The following ERVH48-1 variants were observed in gnomAD, a reference collection of about 807,000 sequenced individuals.
ERVH48-1 encodes endogenous retrovirus group 48 member 1, envelope, also known as suppressyn.
In ERVH48-1, 4 loss-of-function variants were observed where a neutral mutation model predicts 2.4. The ratio of observed to expected loss-of-function variants is 1.68; its 90% CI spans 0.83 to 3.84. The LOEUF is 3.84. Among genes scored for constraint, ERVH48-1 ranks in the 30% most tolerant of loss-of-function variants. The probability of loss-of-function intolerance (pLI) is 0.01; values close to 1 mark genes in which losing one functional copy is unlikely to be tolerated. For missense variants in ERVH48-1, 97 were observed against 43.4 expected, an observed-to-expected ratio of 2.23 and a Z score of -3.47; for synonymous variants, 32 against 15.5, an observed-to-expected ratio of 2.06 and a Z score of -2.49.
At position 42,918,870 on chromosome 21, in the gene ERVH48-1, T is replaced by G; in HGVS notation, c.137A>C (p.Glu46Ala). 1 of 459,268 alleles carries G rather than the reference T, an allele frequency of 2.2e-6. No individual in the cohort carries two copies. The highest frequency in any genetic ancestry group is 2.0e-5 in the African/African-American group (1 of 50,224). The allele number at this position is 459,268 out of a possible 1,614,324, so 28.4% of individuals were successfully genotyped here. A position where few individuals can be genotyped will look rare whatever the true frequency, so the allele number is the denominator to read the frequency against. ...TCTGTAGTGCAAAGACTGATAACAC[T>G]CACGGCAGCTCGGAGGGGCTGCTGT... ...LSTAAPPSCRECYQSLHYRGE... is the reference protein window; with the variant it reads ...LSTAAPPSCRACYQSLHYRGE... Residue 46 changes from glutamate to alanine, a missense_variant, in exon 2 of 2, where the codon GAG becomes GCG. Transcript: ENST00000447535.
chr21:42,920,891 T>C (rs1438815219), intron 1 of ERVH48-1, among the ~76,000 whole-genome samples: 1 of 150,688 alleles, frequency 6.6e-6, no homozygotes, highest in African/African-American at 2.4e-5. Flanking sequence ...ATTTGGGGGG[T>C]TTCTATGAAT....
At chr21:42,922,597 C>T (rs942477958) in intron 1 of ERVH48-1, among the ~76,000 whole-genome samples, 3 of 151,676 alleles carry the variant, frequency 2.0e-5, no homozygotes, top group African/African-American at 7.3e-5. Flanking sequence ...AAATTTAGCT[C>T]GGCATAGTGG....
rs1458657562 is a variant in ERVH48-1, at chr21:42,917,452, AGGTTTGGACT to A, written c.*1062_*1071del. 1.3e-5 allele frequency: 2 copies of A among 152,188 alleles called. No individual in the cohort carries two copies. The highest frequency in any genetic ancestry group is 2.9e-5 in the Non-Finnish European group (2 of 68,028). 9.4% of individuals were successfully genotyped at this position (152,188 alleles called of 1,614,324 possible). On this transcript the variant is annotated 3_prime_UTR_variant, in exon 2 of 2. Transcript: ENST00000447535. ...AGGTTTGCTGGGTCCCATCCCTCCC[AGGTTTGGACT>A]GGTACACGGGCTACTTTTCTGATGT...
intron 1 of ERVH48-1, among the ~76,000 whole-genome samples, chr21:42,924,541 C>T (rs1198901831): frequency 6.6e-6 from 1 of 152,104 alleles, no homozygotes; most frequent in East Asian, 1.9e-4. Context: ...GGAATTTCTC[C>T]CCATTTTTCC....
chr21:42,924,222 G>A (rs1392979924), intron 1 of ERVH48-1, among the ~76,000 whole-genome samples: 2 of 152,076 alleles, frequency 1.3e-5, no homozygotes, highest in African/African-American at 2.4e-5. Flanking sequence ...TGGGGGAGGA[G>A]AATGGGTACA....
chr21:42,917,139 GGGGAAAGGGA>G lies in ERVH48-1; in HGVS notation c.*1375_*1384del, dbSNP rs1389533546. On this transcript the variant is annotated 3_prime_UTR_variant, in exon 2 of 2. Coordinates refer to ENST00000447535, the MANE Select transcript of ERVH48-1 (RefSeq NM_001308491.2). ...TTCCTGTCTATTTGGTTATAGAAAA[GGGGAAAGGGA>G]CGACTTTCTCAATAACTACTTCAGG... 6.6e-6 allele frequency: 1 copy of G among 152,168 alleles called. No homozygotes were observed. The highest frequency in any genetic ancestry group is 1.5e-5 in the Non-Finnish European group (1 of 68,044). The allele number at this position is 152,168 out of a possible 1,614,324, so 9.4% of individuals were successfully genotyped here. A position where few individuals can be genotyped will look rare whatever the true frequency, so the allele number is the denominator to read the frequency against.
Position 42,918,930 on chromosome 21 carries a change from G to A in ERVH48-1, c.77C>T (p.Thr26Met), listed in dbSNP as rs567416567. Residue 26 changes from threonine (T) to methionine (M), a missense_variant, in exon 2 of 2, where the codon ACG becomes ATG. Physicochemically the swap from Thr to Met is moderately conservative, Grantham distance 81. Transcript: ENST00000447535. ...GACAGCTACTGACAGTATTAGGATC[G>A]TGGTGAGGGATATTCCCATATTAAG... is the stretch of plus-strand genomic sequence containing the variant. Reference protein sequence around the residue: ...KSLNMGISLTTILILSVAVLL... With the variant: ...KSLNMGISLTMILILSVAVLL... The A allele has an allele frequency of 1.9e-4, 111 of 585,574 alleles. No individual in the cohort carries two copies. The highest frequency in any genetic ancestry group is 2.9e-4 in the Non-Finnish European group (101 of 345,342). The allele number at this position is 585,574 out of a possible 1,614,324, so 36.3% of individuals were successfully genotyped here. A position where few individuals can be genotyped will look rare whatever the true frequency, so the allele number is the denominator to read the frequency against.
chr21:42,922,453 A>G (rs1417659451), intron 1 of ERVH48-1, among the ~76,000 whole-genome samples: 1 of 151,860 alleles, frequency 6.6e-6, no homozygotes, highest in East Asian at 1.9e-4. Context: ...AGAGTGAGTG[A>G]AGGAAGGCCG....
chr21:42,923,051 T>C (rs986796911), intron 1 of ERVH48-1, among the ~76,000 whole-genome samples: 1 of 151,864 alleles, frequency 6.6e-6, no homozygotes, highest in African/African-American at 2.4e-5. Flanking sequence ...TGAGATCGAG[T>C]AGGTTTTGGC....
At position 42,923,052 on chromosome 21, in the gene ERVH48-1, A is replaced by G. The variant is rs552271048; in HGVS notation, c.-286+2294T>C. On this transcript the variant is annotated intron_variant, in intron 1 of 1. Transcript: ENST00000447535. ...AGCGGCAAGGCCGATGAGATCGAGT[A>G]GGTTTTGGCCGGCTCAGGAAGGGAT... Among the ~76,000 whole-genome samples the G allele has an allele frequency of 4.6e-4, 70 of 152,260 alleles. 1 individual carries two copies. Among genetic ancestry groups the G allele is most frequent in the African/African-American group, 1.6e-3 (68 of 41,568 alleles).
intron 1 of ERVH48-1, among the ~76,000 whole-genome samples, chr21:42,924,021 A>C (rs2058814191): frequency 6.6e-6 from 1 of 152,262 alleles, no homozygotes; most frequent in African/African-American, 2.4e-5. Flanking sequence ...ATTCTAGCAC[A>C]GACGCTGAAG....
At position 42,918,654 on chromosome 21, in the gene ERVH48-1, C is replaced by T. The variant is rs1359665251; in HGVS notation, c.353G>A (p.Trp118Ter). 3 of 456,714 alleles carry T rather than the reference C, an allele frequency of 6.6e-6. No homozygotes were observed. Among genetic ancestry groups the T allele is most frequent in the South Asian group, 4.6e-5 (3 of 64,576 alleles). The allele number at this position is 456,714 out of a possible 1,614,324, so 28.3% of individuals were successfully genotyped here. A position where few individuals can be genotyped will look rare whatever the true frequency, so the allele number is the denominator to read the frequency against. The change falls in exon 2 of 2, where the codon TGG becomes TAG. Residue 118 changes from tryptophan (W) to a stop codon, truncating the protein, a stop_gained. Coordinates refer to ENST00000447535, the MANE Select transcript of ERVH48-1 (RefSeq NM_001308491.2). LOFTEE classifies it high-confidence loss of function. ...QWLCFTKIGQWGVNTQVLEDI... is the reference protein window; with the variant it reads ...QWLCFTKIGQ ...CTCAAGCACCTGAGTGTTTACTCCC[C>T]ATTGTCCAATTTTGGTGAAGCAAAG...
At chr21:42,920,654 G>A (rs1407530689) in intron 1 of ERVH48-1, among the ~76,000 whole-genome samples, 1 of 152,062 alleles carries the variant, frequency 6.6e-6, no homozygotes, top group African/African-American at 2.4e-5. Flanking sequence ...CAATAGTGTG[G>A]GTGGGTGACA....
intron 1 of ERVH48-1, among the ~76,000 whole-genome samples, chr21:42,919,807 G>A (rs182537547): frequency 6.6e-6 from 1 of 152,292 alleles, no homozygotes; most frequent in East Asian, 1.9e-4. Flanking sequence ...GAAGTTGTTG[G>A]GAATGCTTCT....
intron 1 of ERVH48-1, among the ~76,000 whole-genome samples, chr21:42,924,124 G>C (rs886725063): frequency 2.6e-5 from 4 of 152,310 alleles, no homozygotes; most frequent in Non-Finnish European, 5.9e-5. Context: ...GGGTTTGAAG[G>C]GGGAAGGAGG....
chr21:42,916,976 G>C lies in ERVH48-1; in HGVS notation c.*1548C>G, dbSNP rs2058790562. Reference sequence around the variant, plus strand: ...AGGGCGACCTCCCTCTTGATCTTCAGGGGGTACGTGTCTTCCAGCCAGCTC... The same window carrying C: ...AGGGCGACCTCCCTCTTGATCTTCACGGGGTACGTGTCTTCCAGCCAGCTC... On this transcript the variant is annotated 3_prime_UTR_variant, in exon 2 of 2. Coordinates refer to ENST00000447535, the MANE Select transcript of ERVH48-1 (RefSeq NM_001308491.2). 6.6e-6 allele frequency: 1 copy of C among 152,436 alleles called. No homozygotes were observed. The highest frequency in any genetic ancestry group is 6.5e-5 in the Admixed American group (1 of 15,274). 9.4% of individuals were successfully genotyped at this position (152,436 alleles called of 1,614,324 possible).
chr21:42,918,613 G>C lies in ERVH48-1; in HGVS notation c.394C>G (p.Gln132Glu), dbSNP rs116336164. The C allele has an allele frequency of 6.5e-3, 2,976 of 456,584 alleles. 62 individuals carry two copies. The highest frequency in any genetic ancestry group is 0.048 in the African/African-American group (2,422 of 50,172). The allele number at this position is 456,584 out of a possible 1,614,324, so 28.3% of individuals were successfully genotyped here. A position where few individuals can be genotyped will look rare whatever the true frequency, so the allele number is the denominator to read the frequency against. The change falls in exon 2 of 2, where the codon CAG (glutamine) becomes GAG (glutamate). Residue 132 changes from glutamine to glutamate, a missense_variant. By Grantham distance (29) the Gln-to-Glu change is conservative. Transcript: ENST00000447535. ...GAGGCTTTGGCTTTGGCTATAATCT[G>C]TTCTCTCTTTATGTCCTCAAGCACC... ...TQVLEDIKRE[Q>E]IIAKAKASKP... is the part of the protein sequence containing the mutation.
chr21:42,924,496 G>C (rs1379587714), intron 1 of ERVH48-1, among the ~76,000 whole-genome samples: 1 of 152,122 alleles, frequency 6.6e-6, no homozygotes, highest in East Asian at 1.9e-4. Context: ...CAGAGGCCAG[G>C]TTGTAATCTG....
Position 42,918,601 on chromosome 21 carries a change from T to C in ERVH48-1, c.406A>G (p.Lys136Glu). The change falls in exon 2 of 2, where the codon AAA (lysine) becomes GAA (glutamate). Residue 136 changes from lysine (K) to glutamate (E), a missense_variant. Lys to Glu is a moderately conservative substitution (Grantham distance 56). Transcript: ENST00000447535. ...EDIKREQIIA[K>E]AKASKPTTPP... ...GTTGTTGGTTTTGAGGCTTTGGCTT[T>C]GGCTATAATCTGTTCTCTCTTTATG... 3 of 456,618 alleles carry C rather than the reference T, an allele frequency of 6.6e-6. No homozygotes were observed. The highest frequency in any genetic ancestry group is 4.4e-6 in the Non-Finnish European group (1 of 226,876). 28.3% of individuals were successfully genotyped at this position (456,618 alleles called of 1,614,324 possible).
Sources: allele counts gnomAD v4.1 joint callset (sites outside exome capture counted in the v4.1 genomes callset), GRCh38; gene constraint gnomAD v4.1.1; transcripts MANE v1.5; gene names NCBI Gene and HGNC (gene_info 2026-07-23, HGNC 2026-07-21).